Variants in EBF3 observed in about 807,000 individuals in gnomAD.
EBF3 encodes transcription factor COE3.
Under a neutral mutation model 77.1 loss-of-function variants are expected in EBF3, and 18 were observed. The observed-to-expected ratio is 0.23, with a 90% CI of 0.16 to 0.35. The LOEUF (loss-of-function observed/expected upper bound fraction) is 0.35, where lower values mean the gene tolerates loss of function less well. Ranked by LOEUF, EBF3 falls within the 10% of genes least tolerant of loss-of-function variation. The pLI is 1.00. For synonymous variants in EBF3, 350 were observed against 343.5 expected (o/e 1.02, Z -0.21); for missense variants, 558 against 860.0 (o/e 0.65, Z 4.39).
chr10:129,843,789 G>A (rs1248970998), intron 11 of EBF3, among the ~76,000 whole-genome samples: 1 of 152,176 alleles, frequency 6.6e-6, no homozygotes, highest in East Asian at 1.9e-4. Flanking sequence ...ATGACATTAA[G>A]AAATTTTTCA....
At chr10:129,908,506 G>A (rs1412286132) in intron 6 of EBF3, among the ~76,000 whole-genome samples, 2 of 152,198 alleles carry the variant, frequency 1.3e-5, no homozygotes, top group Non-Finnish European at 2.9e-5. Context: ...TCCAAATAGC[G>A]CTGGAAGGGG....
intron 6 of EBF3, among the ~76,000 whole-genome samples, chr10:129,894,489 C>G (rs1467070963): frequency 1.3e-5 from 2 of 152,176 alleles, no homozygotes; most frequent in Non-Finnish European, 2.9e-5. Context: ...GAGAGGCCCC[C>G]TGCAGGGCTC....
chr10:129,891,868 G>A (rs916737633), intron 6 of EBF3, among the ~76,000 whole-genome samples: 2 of 152,222 alleles, frequency 1.3e-5, no homozygotes, highest in Non-Finnish European at 2.9e-5. Flanking sequence ...TACAGAGGTA[G>A]TTCAGAAATA....
intron 6 of EBF3, among the ~76,000 whole-genome samples, chr10:129,932,356 G>T (rs957828968): frequency 1.3e-5 from 2 of 152,180 alleles, no homozygotes; most frequent in East Asian, 3.9e-4. Context: ...GCAACAAGGC[G>T]ACAAGGGCCA....
At chr10:129,918,680 G>C (rs1003988502) in intron 6 of EBF3, among the ~76,000 whole-genome samples, 1 of 152,200 alleles carries the variant, frequency 6.6e-6, no homozygotes, top group African/African-American at 2.4e-5. Context: ...CTACAGGTCA[G>C]AGCCATCAGG....
chr10:129,909,842 C>T (rs577614936), intron 6 of EBF3, among the ~76,000 whole-genome samples: 1 of 152,226 alleles, frequency 6.6e-6, no homozygotes, highest in Non-Finnish European at 1.5e-5. Context: ...ACCCTTTCCT[C>T]GCCGCTCTGA....
At chr10:129,882,687 G>A (rs193047542) in intron 6 of EBF3, among the ~76,000 whole-genome samples, 29 of 152,364 alleles carry the variant, frequency 1.9e-4, no homozygotes, top group Admixed American at 1.7e-3. Flanking sequence ...CATAAGGAAT[G>A]AATTTGGTTT....
In EBF3 at chr10:129,836,929, A is replaced by T. The variant is rs1335609144; in HGVS notation, c.*1014T>A. 1.3e-5 allele frequency: 2 copies of T among 152,688 alleles called. No individual in the cohort carries two copies. Among genetic ancestry groups the T allele is most frequent in the Non-Finnish European group, 2.9e-5 (2 of 68,042 alleles). The allele number at this position is 152,688 out of a possible 1,614,324, so 9.5% of individuals were successfully genotyped here. A position where few individuals can be genotyped will look rare whatever the true frequency, so the allele number is the denominator to read the frequency against. ...GACCATTTTATTCCTTATAAGACACATAAGGAATAAAACTTGTTTTTCTAA... is the reference window on the plus strand; with the variant it reads ...GACCATTTTATTCCTTATAAGACACTTAAGGAATAAAACTTGTTTTTCTAA... On this transcript the variant is annotated 3_prime_UTR_variant, in exon 17 of 17. Coordinates refer to ENST00000440978, the MANE Select transcript of EBF3 (RefSeq NM_001375380.1).
At chr10:129,931,786 C>G (rs901976696) in intron 6 of EBF3, among the ~76,000 whole-genome samples, 1 of 152,228 alleles carries the variant, frequency 6.6e-6, no homozygotes, top group Non-Finnish European at 1.5e-5. Context: ...GCCTGCTGAC[C>G]TCAAGCTCCC....
rs143720955 is a variant in EBF3 at position 129,947,671 on chromosome 10, G to A, written c.554+9587C>T. Among the ~76,000 whole-genome samples the A allele has an allele frequency of 0.033, 4,905 of 148,634 alleles. 121 individuals carry two copies. Among genetic ancestry groups the A allele is most frequent in the Non-Finnish European group, 0.045 (3,031 of 67,292 alleles). ...TGTTTTCATTTCTTTCTTTGCAAAG[G>A]AACCAAATGCTTTGAAAAAAAAAAA... is the stretch of plus-strand genomic sequence containing the variant. On this transcript the variant is annotated intron_variant, in intron 6 of 16. Coordinates refer to ENST00000440978, the MANE Select transcript of EBF3 (RefSeq NM_001375380.1). This position sits in a 1 kb window ranked among gnomAD's most constrained non-coding sequence, Gnocchi z 4.5.
chr10:129,840,685 T>G (rs370776011), intron 14 of EBF3, among the ~76,000 whole-genome samples, 159 bp downstream of exon 14: 29 of 152,206 alleles, frequency 1.9e-4, no homozygotes, highest in Admixed American at 5.9e-4. Flanking sequence ...CGGGCCCGTT[T>G]TGGGTCAATT....
chr10:129,908,977 G>A (rs893498555), intron 6 of EBF3, among the ~76,000 whole-genome samples: 25 of 152,176 alleles, frequency 1.6e-4, no homozygotes, highest in Non-Finnish European at 3.4e-4. Context: ...GCAAACCGTA[G>A]TCAGAGTTAA....
At position 129,963,083 on chromosome 10, in the gene EBF3, C is replaced by T. The variant is rs946490199; in HGVS notation, c.292-78G>A. On this transcript the variant is annotated intron_variant, in intron 2 of 16. Coordinates refer to ENST00000440978, the MANE Select transcript of EBF3 (RefSeq NM_001375380.1). This position sits in a 1 kb window ranked among gnomAD's most constrained non-coding sequence, Gnocchi z 7.1. ...CACCACGCTCGGTCCCCCTCCGCGA[C>T]CGAGGCTCTCGGCCTCACACATGGC... The T allele has an allele frequency of 2.6e-6, 4 of 1,558,110 alleles. No homozygotes were observed. In the African/African-American group the frequency reaches 4.1e-5, roughly 16 times the overall value.
chr10:129,880,742 G>C (rs1853147319), intron 6 of EBF3, among the ~76,000 whole-genome samples: 1 of 152,182 alleles, frequency 6.6e-6, no homozygotes, highest in Non-Finnish European at 1.5e-5. Context: ...GCATCTACAG[G>C]GACGGACAGA....
intron 6 of EBF3, among the ~76,000 whole-genome samples, chr10:129,883,347 C>T (rs985312910): frequency 6.6e-6 from 1 of 152,258 alleles, no homozygotes; most frequent in African/African-American, 2.4e-5. Context: ...GCCTGGGTTC[C>T]AGCCTCGGTC....
At chr10:129,852,246 G>A (rs1421172733) in intron 10 of EBF3, among the ~76,000 whole-genome samples, 1 of 152,194 alleles carries the variant, frequency 6.6e-6, no homozygotes, top group Admixed American at 6.5e-5. Flanking sequence ...AGTTAATCTC[G>A]TTACTTTACA....
chr10:129,887,829 C>T lies in EBF3; in HGVS notation c.555-9980G>A, dbSNP rs1853715405. ...AAGAGAGGCGCCGCGGCCCTGATCT[C>T]CTTTCAGAGCGTTGACTATAAACCT... On this transcript the variant is annotated intron_variant, in intron 6 of 16. Transcript: ENST00000440978. Among the ~76,000 whole-genome samples, 3 of 152,164 alleles carry T rather than the reference C, an allele frequency of 2.0e-5. No homozygotes were observed. The South Asian group carries it at 6.2e-4, about 32-fold the overall frequency.
Position 129,863,426 on chromosome 10 carries a change from C to G in EBF3, c.1039+3715G>C, listed in dbSNP as rs1457488395. Among the ~76,000 whole-genome samples the G allele has an allele frequency of 6.6e-6, 1 of 152,218 alleles. No homozygotes were observed. The highest frequency in any genetic ancestry group is 1.5e-5 in the Non-Finnish European group (1 of 68,036). ...CCCACTCGGGGTTGACTAATAGGGTCTGGTTCAGAAAAATCTGGTGTTTCT... is the reference window on the plus strand; with the variant it reads ...CCCACTCGGGGTTGACTAATAGGGTGTGGTTCAGAAAAATCTGGTGTTTCT... On this transcript the variant is annotated intron_variant, in intron 10 of 16. Transcript: ENST00000440978. The surrounding 1 kb of genome is among the most constrained non-coding windows in gnomAD (Gnocchi z 4.0).
At chr10:129,917,678 A>AG (rs1855986710) in intron 6 of EBF3, among the ~76,000 whole-genome samples, 1 of 150,210 alleles carries the variant, frequency 6.7e-6, no homozygotes, top group African/African-American at 2.4e-5. Context: ...AAAAAAAAAA[A>AG]ACTAAAACCA....
Sources: gnomAD v4.1 joint callset for allele counts (sites outside exome capture counted in the v4.1 genomes callset) on GRCh38, gnomAD v4.1.1 for gene constraint, Gnocchi (gnomAD v3.1) non-coding constraint, MANE v1.5 for transcripts, NCBI Gene and HGNC (gene_info 2026-07-23, HGNC 2026-07-21) for gene names.